SLC44A1: variants seen among roughly 807,000 people sequenced by gnomAD.
SLC44A1 encodes choline transporter-like protein 1.
SLC44A1 carries 26 observed loss-of-function variants against 79.3 expected under a neutral mutation model. That is an observed-to-expected ratio of 0.33 (90% CI 0.24 to 0.46). The LOEUF (loss-of-function observed/expected upper bound fraction) is 0.46. Ranked by LOEUF, SLC44A1 falls within the 20% of genes least tolerant of loss-of-function variation. The pLI is 1.00. For synonymous variants in SLC44A1, 263 were observed against 286.2 expected, an observed-to-expected ratio of 0.92 and a Z score of 0.82; for missense variants, 688 against 798.1, an observed-to-expected ratio of 0.86 and a Z score of 1.66.
rs756609322 is a variant in SLC44A1, at chr9:105,385,453, AAG to A, written c.1903_1904del (p.Glu635SerfsTer3). The A allele has an allele frequency of 6.3e-7, 1 of 1,587,894 alleles. No homozygotes were observed. The highest frequency in any genetic ancestry group is 1.3e-5 in the African/African-American group (1 of 74,848). On this transcript the variant is annotated frameshift_variant, in exon 15 of 16. Coordinates refer to ENST00000374720, the MANE Select transcript of SLC44A1 (RefSeq NM_080546.5). LOFTEE classifies it high-confidence loss of function. The stretch of plus-strand genomic sequence containing the variant: ...GTGGAAAACAGTAGGAAAGCAATGA[AAG>A]AAGCTGGTAAGGGAGGCGTCGCTGA...
At chr9:105,296,139 G>A (rs896210433) in intron 1 of SLC44A1, among the ~76,000 whole-genome samples, 2 of 152,188 alleles carry the variant, frequency 1.3e-5, no homozygotes, top group Non-Finnish European at 2.9e-5. Context: ...CAAGAATTGA[G>A]TGCATGCTGT....
intron 6 of SLC44A1, chr9:105,357,367 T>C (rs1827652417): frequency 6.6e-6 from 1 of 152,098 alleles, no homozygotes; most frequent in Non-Finnish European, 1.5e-5. Flanking sequence ...AATTATTTGG[T>C]TTTTGAAATA....
chr9:105,260,905 G>T (rs1457656480), intron 1 of SLC44A1, among the ~76,000 whole-genome samples: 1 of 152,198 alleles, frequency 6.6e-6, no homozygotes, highest in East Asian at 1.9e-4. Context: ...GGATAGGGAT[G>T]ATGGGCCAAG....
chr9:105,396,344 C>T lies in SLC44A1; in HGVS notation c.*7288C>T. 1 of 985,270 alleles carries T rather than the reference C, an allele frequency of 1.0e-6. No individual in the cohort carries two copies. The highest frequency in any genetic ancestry group is 1.2e-6 in the Non-Finnish European group (1 of 829,878). 61.0% of individuals were successfully genotyped at this position (985,270 alleles called of 1,614,324 possible). ...GGAGAAAAAAACTTTAACAAAAAGG[C>T]AGGGAGAAAAGTGTGAAGGGCATCA... On this transcript the variant is annotated 3_prime_UTR_variant, in exon 16 of 16. Transcript: ENST00000374720.
intron 1 of SLC44A1, among the ~76,000 whole-genome samples, chr9:105,282,977 A>G (rs565968518): frequency 1.3e-5 from 2 of 152,322 alleles, no homozygotes; most frequent in South Asian, 4.1e-4. Context: ...GCTGAAGGTC[A>G]GCTGGTTATC....
intron 1 of SLC44A1, among the ~76,000 whole-genome samples, chr9:105,253,209 G>A (rs1412277761): frequency 6.6e-6 from 1 of 152,122 alleles, no homozygotes; most frequent in Non-Finnish European, 1.5e-5. Flanking sequence ...CAGAAATGCT[G>A]AAAATTATTA....
chr9:105,395,891 G>C lies in SLC44A1; in HGVS notation c.*6835G>C, dbSNP rs1828866072. The C allele has an allele frequency of 1.0e-6, 1 of 977,310 alleles. No individual in the cohort carries two copies. The highest frequency in any genetic ancestry group is 4.7e-5 in the South Asian group (1 of 21,140). The allele number at this position is 977,310 out of a possible 1,614,324, so 60.5% of individuals were successfully genotyped here. A position where few individuals can be genotyped will look rare whatever the true frequency, so the allele number is the denominator to read the frequency against. ...CTTCATTTACCATGTTGATAATCCG[G>C]TGGTGACTTTTTTTTTTTTTTTGTA... On this transcript the variant is annotated 3_prime_UTR_variant, in exon 16 of 16. Coordinates refer to ENST00000374720, the MANE Select transcript of SLC44A1 (RefSeq NM_080546.5).
chr9:105,406,227 A>G (rs1303826695), intron 15 of SLC44A1, among the ~76,000 whole-genome samples: 1 of 152,140 alleles, frequency 6.6e-6, no homozygotes, highest in Non-Finnish European at 1.5e-5. Context: ...ACACACACAC[A>G]CCAAAGAATA....
chr9:105,370,099 G>C (rs115840634), intron 12 of SLC44A1, among the ~76,000 whole-genome samples: 2,071 of 152,352 alleles, frequency 0.014, 43 homozygotes, highest in African/African-American at 0.047. Flanking sequence ...GGCTGTCTGA[G>C]AAGGTGGGTG....
At chr9:105,322,677 G>A (rs1157213359) in intron 3 of SLC44A1, among the ~76,000 whole-genome samples, 1 of 152,134 alleles carries the variant, frequency 6.6e-6, no homozygotes, top group Admixed American at 6.5e-5. Flanking sequence ...TACTGTGAAA[G>A]TAGTCAGTGT....
Position 105,365,102 on chromosome 9 carries a change from G to A in SLC44A1, c.1254-381G>A, listed in dbSNP as rs371228873. Reference sequence around the variant, plus strand: ...GTGAGTTCCCTTTGCTAACTTTAGAGCCAAATATGAAAGCTTTAGGTCTCA... The same window carrying A: ...GTGAGTTCCCTTTGCTAACTTTAGAACCAAATATGAAAGCTTTAGGTCTCA... On this transcript the variant is annotated intron_variant, in intron 10 of 15. Transcript: ENST00000374720. Among the ~76,000 whole-genome samples, 11 of 152,278 alleles carry A rather than the reference G, an allele frequency of 7.2e-5. No homozygotes were observed. The East Asian group carries it at 1.9e-3, about 27-fold the overall frequency.
At chr9:105,277,710 C>T (rs1362906727) in intron 1 of SLC44A1, among the ~76,000 whole-genome samples, 2 of 152,176 alleles carry the variant, frequency 1.3e-5, no homozygotes, top group African/African-American at 4.8e-5. Context: ...AACTGAGGAA[C>T]TTTGTAAACC....
At chr9:105,375,325 C>T (rs1828245568) in intron 13 of SLC44A1, among the ~76,000 whole-genome samples, 2 of 152,250 alleles carry the variant, frequency 1.3e-5, no homozygotes, top group Admixed American at 1.3e-4. Context: ...CAGGCATGAG[C>T]CACTGCACCC....
intron 1 of SLC44A1, among the ~76,000 whole-genome samples, chr9:105,281,838 CTT>C (rs1294883167): frequency 6.6e-6 from 1 of 152,098 alleles, no homozygotes; most frequent in Non-Finnish European, 1.5e-5. Context: ...GAAATGAAGA[CTT>C]TGTGAATTTG....
Position 105,396,633 on chromosome 9 carries a change from C to T in SLC44A1, c.*7577C>T, listed in dbSNP as rs1056251567. ...GGTGATATGAGCAGAAAACACACAT[C>T]GGTGTGTCTTGATTTCTCGCAGCTG... On this transcript the variant is annotated 3_prime_UTR_variant, in exon 16 of 16. Coordinates refer to ENST00000374720, the MANE Select transcript of SLC44A1 (RefSeq NM_080546.5). The T allele has an allele frequency of 1.4e-5, 14 of 985,110 alleles. No homozygotes were observed. The highest frequency in any genetic ancestry group is 1.2e-4 in the African/African-American group (7 of 57,170). 61.0% of individuals were successfully genotyped at this position (985,110 alleles called of 1,614,324 possible).
intron 1 of SLC44A1, among the ~76,000 whole-genome samples, chr9:105,266,363 T>C (rs1432917066): frequency 2.0e-5 from 3 of 152,216 alleles, no homozygotes; most frequent in Non-Finnish European, 4.4e-5. Context: ...GCTTTTGATA[T>C]CATAGCTAGG....
intron 15 of SLC44A1, among the ~76,000 whole-genome samples, chr9:105,408,149 G>C (rs369849001): frequency 2.0e-5 from 3 of 151,996 alleles, no homozygotes; most frequent in Admixed American, 1.3e-4. Context: ...CTGAGATTCC[G>C]TCTCAAAAAA....
chr9:105,296,258 T>C (rs1284996960), intron 1 of SLC44A1, among the ~76,000 whole-genome samples: 1 of 152,192 alleles, frequency 6.6e-6, no homozygotes, highest in Non-Finnish European at 1.5e-5. Flanking sequence ...TGTTCTTCCA[T>C]ACTACTTAAG....
chr9:105,263,559 G>T, intron 1 of SLC44A1, among the ~76,000 whole-genome samples: 1 of 136,972 alleles, frequency 7.3e-6, no homozygotes. Flanking sequence ...TTTTTGAGAT[G>T]GAATTTCACT....
Sources: gnomAD v4.1 joint callset for allele counts (sites outside exome capture counted in the v4.1 genomes callset) on GRCh38, gnomAD v4.1.1 for gene constraint, MANE v1.5 for transcripts, NCBI Gene and HGNC (gene_info 2026-07-23, HGNC 2026-07-21) for gene names.